The following GFRA1 variants were observed in gnomAD, a reference collection of about 807,000 sequenced individuals.
GFRA1 encodes the protein GDNF family receptor alpha-1.
A neutral mutation model predicts 51.6 loss-of-function variants in GFRA1; 16 were observed. The ratio of observed to expected loss-of-function variants is 0.31; its 90% CI spans 0.21 to 0.47. GFRA1 has a LOEUF of 0.47. Ranked by LOEUF, GFRA1 falls within the 20% of genes least tolerant of loss-of-function variation. The pLI is 1.00. For missense variants in GFRA1, 530 were observed against 594.3 expected, an observed-to-expected ratio of 0.89 and a Z score of 1.13; for synonymous variants, 270 against 241.3, an observed-to-expected ratio of 1.12 and a Z score of -1.10.
rs956204829 is a variant in GFRA1, at chr10:116,063,554, A to T, written c.*844T>A. The T allele has an allele frequency of 5.9e-5, 9 of 152,102 alleles. No individual in the cohort carries two copies. Among genetic ancestry groups the T allele is most frequent in the Non-Finnish European group, 1.2e-4 (8 of 68,010 alleles). 9.4% of individuals were successfully genotyped at this position (152,102 alleles called of 1,614,324 possible). ...ATAGTTGAAATCATTTAGTAGTAAA[A>T]TTTTTTTCTACATATAACCTCATAT... On this transcript the variant is annotated 3_prime_UTR_variant, in exon 11 of 11. Transcript: ENST00000355422.
At chr10:116,099,372 T>G (rs575854898) in intron 6 of GFRA1, among the ~76,000 whole-genome samples, 20 of 152,322 alleles carry the variant, frequency 1.3e-4, no homozygotes, top group African/African-American at 4.8e-4. Flanking sequence ...AGAACCAGTA[T>G]GATGTTAGTA....
Position 116,062,714 on chromosome 10 carries a change from G to T in GFRA1, c.*1684C>A, listed in dbSNP as rs947046618. 1 of 152,190 alleles carries T rather than the reference G, an allele frequency of 6.6e-6. No homozygotes were observed. Among genetic ancestry groups the T allele is most frequent in the Non-Finnish European group, 1.5e-5 (1 of 68,046 alleles). 9.4% of individuals were successfully genotyped at this position (152,190 alleles called of 1,614,324 possible). A position where few individuals can be genotyped will look rare whatever the true frequency, so the allele number is the denominator to read the frequency against. On this transcript the variant is annotated 3_prime_UTR_variant, in exon 11 of 11. Transcript: ENST00000355422. ...TGGAATCTCCTCCTCTTTACTTAATGTTGGAGAAAAGTGGCCACCAGTACT... is the reference window on the plus strand; with the variant it reads ...TGGAATCTCCTCCTCTTTACTTAATTTTGGAGAAAAGTGGCCACCAGTACT...
At chr10:116,200,144 G>C (rs1207231200) in intron 5 of GFRA1, among the ~76,000 whole-genome samples, 1 of 152,132 alleles carries the variant, frequency 6.6e-6, no homozygotes, top group Non-Finnish European at 1.5e-5. Context: ...TCCAGTTTGA[G>C]GCTATTATGA....
intron 5 of GFRA1, among the ~76,000 whole-genome samples, chr10:116,169,570 G>T (rs891045910): frequency 2.6e-5 from 4 of 152,208 alleles, no homozygotes; most frequent in Non-Finnish European, 4.4e-5. Context: ...CAAACATCAA[G>T]AGGAGAAGAG....
intron 5 of GFRA1, among the ~76,000 whole-genome samples, chr10:116,140,333 C>T (rs778656112): frequency 6.6e-5 from 10 of 152,156 alleles, no homozygotes; most frequent in Non-Finnish European, 1.2e-4. Flanking sequence ...CAGATGATCT[C>T]CAGTGGCAGA....
rs561413393 is a variant in GFRA1 at position 116,164,918 on chromosome 10, T to A, written c.434-39361A>T. ...CCACCTGTGAAACCATTTATACGAT[T>A]TTTAAAACAAGTTTTTCATAATAAC... is the stretch of plus-strand genomic sequence containing the variant. On this transcript the variant is annotated intron_variant, in intron 5 of 10. Transcript: ENST00000355422. Among the ~76,000 whole-genome samples the A allele has an allele frequency of 1.2e-4, 19 of 152,314 alleles. No homozygotes were observed. The East Asian group carries it at 3.1e-3, about 25-fold the overall frequency.
intron 5 of GFRA1, among the ~76,000 whole-genome samples, chr10:116,182,491 C>T (rs1321762031): frequency 1.3e-5 from 2 of 152,194 alleles, no homozygotes; most frequent in Non-Finnish European, 1.5e-5. Context: ...ATGAGCAGAT[C>T]TGGAGAGCCC....
chr10:116,162,383 G>C (rs1959914112), intron 5 of GFRA1, among the ~76,000 whole-genome samples: 1 of 152,238 alleles, frequency 6.6e-6, no homozygotes, highest in African/African-American at 2.4e-5. Flanking sequence ...CCATGTTAAT[G>C]GTGGTCATGG....
At chr10:116,139,799 G>A (rs559134180) in intron 5 of GFRA1, among the ~76,000 whole-genome samples, 1 of 152,334 alleles carries the variant, frequency 6.6e-6, no homozygotes, top group South Asian at 2.1e-4. Flanking sequence ...GTGGATTCCT[G>A]CTCCATCGGA....
chr10:116,154,577 G>C (rs1959168770), intron 5 of GFRA1, among the ~76,000 whole-genome samples: 1 of 152,194 alleles, frequency 6.6e-6, no homozygotes, highest in South Asian at 2.1e-4. Flanking sequence ...GAAGGAGTTA[G>C]GAGGGTGCTT....
At chr10:116,233,137 G>A (rs1478205689) in intron 4 of GFRA1, among the ~76,000 whole-genome samples, 1 of 149,084 alleles carries the variant, frequency 6.7e-6, no homozygotes, top group African/African-American at 2.6e-5. Context: ...GACCAGCCTG[G>A]TCAACATGGC....
rs1327752498 is a variant in GFRA1 at position 116,057,641 on chromosome 10, A to C, written c.*6757T>G. ...AACTTTAAAGCAAACTCTGCAGTGA[A>C]AAGTGTTTCCCCCACTCCCTTGGGC... On this transcript the variant is annotated 3_prime_UTR_variant, in exon 11 of 11. Transcript: ENST00000355422. 1 of 152,170 alleles carries C rather than the reference A, an allele frequency of 6.6e-6. No individual in the cohort carries two copies. The highest frequency in any genetic ancestry group is 2.4e-5 in the African/African-American group (1 of 41,438). The allele number at this position is 152,170 out of a possible 1,614,324, so 9.4% of individuals were successfully genotyped here.
rs1844063206 is a variant in GFRA1, at chr10:116,272,878, T to A, written c.-247+285A>T. The A allele has an allele frequency of 1.3e-5, 2 of 152,426 alleles. No individual in the cohort carries two copies. Among genetic ancestry groups the A allele is most frequent in the African/African-American group, 4.8e-5 (2 of 41,512 alleles). 9.4% of individuals were successfully genotyped at this position (152,426 alleles called of 1,614,324 possible). Reference sequence around the variant, plus strand: ...GCCCCTACCCCCTACCCGCCGCGCGTCCTCGGCTCCCTCCTGGGCGTCCGC... The same window carrying A: ...GCCCCTACCCCCTACCCGCCGCGCGACCTCGGCTCCCTCCTGGGCGTCCGC... On this transcript the variant is annotated intron_variant, in intron 1 of 10. Coordinates refer to ENST00000355422, the MANE Select transcript of GFRA1 (RefSeq NM_005264.8). The surrounding 1 kb of genome is among the most constrained non-coding windows in gnomAD (Gnocchi z 4.4).
chr10:116,198,933 G>A (rs1056340099), intron 5 of GFRA1, among the ~76,000 whole-genome samples: 1 of 152,172 alleles, frequency 6.6e-6, no homozygotes, highest in African/African-American at 2.4e-5. Context: ...AATGACTGGT[G>A]TCCTCATAAG....
At chr10:116,105,623 T>A (rs961737380) in intron 6 of GFRA1, among the ~76,000 whole-genome samples, 1 of 152,144 alleles carries the variant, frequency 6.6e-6, no homozygotes, top group Admixed American at 6.5e-5. Context: ...AGTGAGAGAA[T>A]TGGGGACCAC....
At chr10:116,235,725 G>C (rs932707416) in intron 4 of GFRA1, among the ~76,000 whole-genome samples, 3 of 152,146 alleles carry the variant, frequency 2.0e-5, no homozygotes, top group Non-Finnish European at 4.4e-5. Flanking sequence ...GGAGCCTTTC[G>C]GCAGTAATTA....
chr10:116,113,981 G>A (rs1237398238), intron 6 of GFRA1, among the ~76,000 whole-genome samples: 4 of 152,120 alleles, frequency 2.6e-5, no homozygotes, highest in Admixed American at 6.5e-5. Context: ...TGCATTCTAA[G>A]CTCCCTGAGT....
chr10:116,176,294 T>C (rs1961589624), intron 5 of GFRA1, among the ~76,000 whole-genome samples: 1 of 152,200 alleles, frequency 6.6e-6, no homozygotes, highest in Non-Finnish European at 1.5e-5. Flanking sequence ...ATCCACTCAT[T>C]CCTCTCTTCC....
At chr10:116,255,230 A>T (rs1200449543) in intron 4 of GFRA1, among the ~76,000 whole-genome samples, 3 of 152,252 alleles carry the variant, frequency 2.0e-5, no homozygotes, top group Non-Finnish European at 2.9e-5. Context: ...ACATAATTTT[A>T]TGTGAAGCTG....
Sources: allele counts gnomAD v4.1 joint callset (sites outside exome capture counted in the v4.1 genomes callset), GRCh38; gene constraint gnomAD v4.1.1; non-coding constraint Gnocchi (gnomAD v3.1); transcripts MANE v1.5; gene names NCBI Gene and HGNC (gene_info 2026-07-23, HGNC 2026-07-21).